Variants in PKIA observed in about 807,000 individuals in gnomAD.
The protein encoded by PKIA is cAMP-dependent protein kinase inhibitor alpha, also known as PKI-alpha.
PKIA carries 4 observed loss-of-function variants against 7.6 expected under a neutral mutation model. That is an observed-to-expected ratio of 0.52 (90% CI 0.26 to 1.20). The LOEUF (loss-of-function observed/expected upper bound fraction) is 1.20. Among genes scored for constraint, PKIA ranks in the 50% most tolerant of loss-of-function variants. The probability of loss-of-function intolerance (pLI) is 0.13; values close to 1 mark genes in which losing one functional copy is unlikely to be tolerated. For synonymous variants in PKIA, 21 were observed against 30.7 expected (o/e 0.68, Z 1.04); for missense variants, 73 against 86.2 (o/e 0.85, Z 0.61).
intron 2 of PKIA, among the ~76,000 whole-genome samples, chr8:78,597,428 G>A (rs1040784761): frequency 1.3e-5 from 2 of 152,148 alleles, no homozygotes; most frequent in Non-Finnish European, 2.9e-5. Flanking sequence ...TGGACTGGAA[G>A]CGCTATTTGA....
At chr8:78,569,065 G>C (rs1461855526) in intron 1 of PKIA, among the ~76,000 whole-genome samples, 3 of 151,986 alleles carry the variant, frequency 2.0e-5, no homozygotes, top group Non-Finnish European at 2.9e-5. Flanking sequence ...CACAGCCATG[G>C]GGTCCAGTGG....
At chr8:78,528,276 C>T (rs1806298097) in intron 1 of PKIA, among the ~76,000 whole-genome samples, 1 of 152,064 alleles carries the variant, frequency 6.6e-6, no homozygotes, top group African/African-American at 2.4e-5. Context: ...TTTTAAAAAA[C>T]AGCCATTTGT....
At chr8:78,522,146 A>G (rs930164458) in intron 1 of PKIA, among the ~76,000 whole-genome samples, 2 of 151,948 alleles carry the variant, frequency 1.3e-5, no homozygotes, top group Admixed American at 1.3e-4. Flanking sequence ...CTTTCAGTAC[A>G]TTGTCTATTA....
intron 1 of PKIA, among the ~76,000 whole-genome samples, chr8:78,545,792 A>T (rs982981832): frequency 6.6e-6 from 1 of 152,138 alleles, no homozygotes; most frequent in Non-Finnish European, 1.5e-5. Flanking sequence ...CCTACTGGAA[A>T]CAGAAGCTTG....
chr8:78,556,360 T>C (rs1359837004), intron 1 of PKIA: 1 of 152,144 alleles, frequency 6.6e-6, no homozygotes, highest in Non-Finnish European at 1.5e-5. Context: ...TAGTAGTTAT[T>C]GATCATTTTA....
intron 1 of PKIA, among the ~76,000 whole-genome samples, chr8:78,559,591 ATC>A (rs1295110200): frequency 6.6e-6 from 1 of 152,156 alleles, no homozygotes; most frequent in Non-Finnish European, 1.5e-5. Flanking sequence ...GAAATGACTG[ATC>A]TCAAGTTCTC....
intron 2 of PKIA, among the ~76,000 whole-genome samples, chr8:78,578,082 AT>A (rs1310977745): frequency 6.6e-6 from 1 of 152,014 alleles, no homozygotes; most frequent in Non-Finnish European, 1.5e-5. Context: ...TGACTTATAG[AT>A]GGTTGGAAGA....
chr8:78,544,428 T>C (rs1478908654), intron 1 of PKIA, among the ~76,000 whole-genome samples: 3 of 152,154 alleles, frequency 2.0e-5, no homozygotes, highest in Non-Finnish European at 4.4e-5. Flanking sequence ...TTTCTGTCCT[T>C]CTCATGGGTT....
intron 1 of PKIA, among the ~76,000 whole-genome samples, chr8:78,569,323 A>T (rs1380972938): frequency 2.6e-5 from 4 of 152,156 alleles, no homozygotes; most frequent in Non-Finnish European, 5.9e-5. Flanking sequence ...ATTTGAAGGC[A>T]ACAACATGGT....
chr8:78,545,691 T>A (rs542825624), intron 1 of PKIA, among the ~76,000 whole-genome samples: 30 of 152,288 alleles, frequency 2.0e-4, no homozygotes, highest in East Asian at 1.7e-3. Context: ...AGCTTGGGTT[T>A]TCTTGTCAAG....
chr8:78,575,332 G>A (rs1039420016), intron 2 of PKIA, among the ~76,000 whole-genome samples: 5 of 151,684 alleles, frequency 3.3e-5, no homozygotes, highest in South Asian at 2.1e-4. Context: ...TAATTTTTAT[G>A]TATTTTTTAT....
intron 3 of PKIA, among the ~76,000 whole-genome samples, chr8:78,600,310 A>G (rs1808323451): frequency 6.7e-6 from 1 of 149,678 alleles, no homozygotes; most frequent in East Asian, 2.1e-4. Context: ...TAATTCGTAA[A>G]TGTTTCAGCT....
intron 2 of PKIA, among the ~76,000 whole-genome samples, chr8:78,589,016 G>A (rs1037395256): frequency 6.6e-6 from 1 of 152,108 alleles, no homozygotes; most frequent in African/African-American, 2.4e-5. Context: ...AGAAGTAGCT[G>A]AAGTAAAATT....
chr8:78,563,539 T>C (rs574200908), intron 1 of PKIA, among the ~76,000 whole-genome samples: 9 of 152,232 alleles, frequency 5.9e-5, no homozygotes, highest in Non-Finnish European at 1.2e-4. Flanking sequence ...ATTTTTGTCT[T>C]TTGTTTTACT....
At chr8:78,555,032 T>C (rs1807094160) in intron 1 of PKIA, among the ~76,000 whole-genome samples, 1 of 152,038 alleles carries the variant, frequency 6.6e-6, no homozygotes. Context: ...CTGCGTTTTC[T>C]GCACTGTGTG....
intron 1 of PKIA, among the ~76,000 whole-genome samples, chr8:78,539,640 A>T (rs574638380): frequency 6.6e-6 from 1 of 152,066 alleles, no homozygotes; most frequent in South Asian, 2.1e-4. Flanking sequence ...TGCTTTTTAC[A>T]TTTTTAAAAG....
At chr8:78,522,159 T>G (rs1452953452) in intron 1 of PKIA, among the ~76,000 whole-genome samples, 1 of 151,934 alleles carries the variant, frequency 6.6e-6, no homozygotes, top group East Asian at 1.9e-4. Context: ...GTCTATTACA[T>G]TAAACATGGC....
intron 1 of PKIA, among the ~76,000 whole-genome samples, chr8:78,566,166 G>T (rs1200922284): frequency 1.3e-5 from 2 of 151,746 alleles, no homozygotes; most frequent in Non-Finnish European, 3.0e-5. Context: ...GTAAGTTATA[G>T]TAATTATTTT....
chr8:78,528,738 G>T (rs1017880056), intron 1 of PKIA, among the ~76,000 whole-genome samples: 4 of 151,580 alleles, frequency 2.6e-5, no homozygotes, highest in Non-Finnish European at 4.4e-5. Flanking sequence ...TGGCCAAGGT[G>T]GGGGGATCAC....
Sources: allele counts gnomAD v4.1 joint callset (sites outside exome capture counted in the v4.1 genomes callset), GRCh38; gene constraint gnomAD v4.1.1; transcripts MANE v1.5; gene names NCBI Gene and HGNC (gene_info 2026-07-23, HGNC 2026-07-21).